Variants in HDAC9 observed in about 807,000 individuals in gnomAD.
HDAC9 encodes the protein histone deacetylase 9, also known as MEF-2 interacting transcription repressor (MITR) protein.
In HDAC9, 41 loss-of-function variants were observed where a neutral mutation model predicts 139.4. The ratio of observed to expected loss-of-function variants is 0.29; its 90% CI spans 0.23 to 0.38. The LOEUF is 0.38. HDAC9 is among the 10% of genes least tolerant of loss of function. The probability of loss-of-function intolerance (pLI) is 1.00; values close to 1 mark genes in which losing one functional copy is unlikely to be tolerated. For missense variants in HDAC9, 1,147 were observed against 1,297.0 expected (o/e 0.88, Z 1.78); for synonymous variants, 517 against 476.2 (o/e 1.09, Z -1.12).
chr7:18,933,990 A>G (rs984910609), intron 22 of HDAC9, among the ~76,000 whole-genome samples: 2 of 152,126 alleles, frequency 1.3e-5, no homozygotes, highest in African/African-American at 4.8e-5. Flanking sequence ...AGAGAGATGG[A>G]AAATATGAAA....
At chr7:18,937,061 A>T (rs1317554794) in intron 23 of HDAC9, among the ~76,000 whole-genome samples, 5 of 107,806 alleles carry the variant, frequency 4.6e-5, no homozygotes, top group African/African-American at 7.0e-5. Flanking sequence ...TTTTTCTGAG[A>T]TAGAGTCTCG....
chr7:18,373,203 A>T (rs1784728242), intron 1 of HDAC9, among the ~76,000 whole-genome samples: 2 of 152,254 alleles, frequency 1.3e-5, no homozygotes, highest in South Asian at 4.1e-4. Flanking sequence ...GTATACTGCT[A>T]TGTATTTGTA....
intron 2 of HDAC9, among the ~76,000 whole-genome samples, chr7:18,266,415 G>A (rs1018629189): frequency 3.3e-5 from 5 of 151,804 alleles, no homozygotes; most frequent in Admixed American, 3.3e-4. Context: ...AAGTAAAAAT[G>A]TTTTTTCTGT....
chr7:18,108,647 A>C, intron 1 of HDAC9, among the ~76,000 whole-genome samples: 1 of 118,580 alleles, frequency 8.4e-6, no homozygotes, highest in South Asian at 2.5e-4. Flanking sequence ...ATGGAGTCTC[A>C]CTCTTGCCCA....
At chr7:18,183,140 G>A (rs1388637102) in intron 2 of HDAC9, among the ~76,000 whole-genome samples, 3 of 151,958 alleles carry the variant, frequency 2.0e-5, no homozygotes, top group Non-Finnish European at 4.4e-5. Context: ...TTCCCGAGTA[G>A]CTGGGACTAC....
intron 12 of HDAC9, among the ~76,000 whole-genome samples, chr7:18,687,105 CATAAAT>C (rs1782330715): frequency 6.6e-6 from 1 of 151,792 alleles, no homozygotes; most frequent in Non-Finnish European, 1.5e-5. Context: ...ATGTGCTTTA[CATAAAT>C]ATAAATAGTT....
intron 12 of HDAC9, among the ~76,000 whole-genome samples, chr7:18,671,443 TC>T (rs1416526447): frequency 2.0e-5 from 3 of 151,986 alleles, no homozygotes; most frequent in Non-Finnish European, 4.4e-5. Flanking sequence ...CCTAACCACT[TC>T]CTGAAATCTG....
intron 1 of HDAC9, among the ~76,000 whole-genome samples, chr7:18,142,773 C>G (rs1363125262): frequency 6.6e-6 from 1 of 152,210 alleles, no homozygotes. Context: ...GCTCCATCAT[C>G]CATCCTCCTA....
chr7:18,894,163 C>A (rs547654465), intron 22 of HDAC9, among the ~76,000 whole-genome samples: 1 of 152,018 alleles, frequency 6.6e-6, no homozygotes, highest in African/African-American at 2.4e-5. Context: ...TGGCTCTGAA[C>A]TGAAATGGGG....
intron 1 of HDAC9, among the ~76,000 whole-genome samples, chr7:18,145,858 G>A (rs1174184186): frequency 6.6e-6 from 1 of 152,142 alleles, no homozygotes; most frequent in Non-Finnish European, 1.5e-5. Flanking sequence ...TCTCTATTGT[G>A]TTACTTTGAG....
intron 11 of HDAC9, among the ~76,000 whole-genome samples, chr7:18,656,385 A>C (rs767880890): frequency 1.3e-4 from 20 of 152,136 alleles, no homozygotes; most frequent in Non-Finnish European, 2.6e-4. Flanking sequence ...TGGAAATGAA[A>C]ATAAAGAAGG....
At chr7:18,128,725 T>C (rs1784825016) in intron 1 of HDAC9, among the ~76,000 whole-genome samples, 1 of 151,492 alleles carries the variant, frequency 6.6e-6, no homozygotes, top group Non-Finnish European at 1.5e-5. Context: ...ACCTAAATGG[T>C]AGGGGTTAGG....
intron 11 of HDAC9, among the ~76,000 whole-genome samples, chr7:18,661,066 G>C (rs1244633466): frequency 1.3e-5 from 2 of 152,144 alleles, no homozygotes; most frequent in Non-Finnish European, 2.9e-5. Flanking sequence ...CCAGAGTAGG[G>C]CCTTTGGGTA....
chr7:18,794,376 T>C (rs183831139), intron 17 of HDAC9, among the ~76,000 whole-genome samples: 249 of 152,330 alleles, frequency 1.6e-3, no homozygotes, highest in African/African-American at 5.7e-3. Flanking sequence ...TTTATTCAAT[T>C]ACATGGGACT....
At chr7:18,425,497 G>A (rs1424083117) in intron 1 of HDAC9, among the ~76,000 whole-genome samples, 1 of 152,196 alleles carries the variant, frequency 6.6e-6, no homozygotes, top group Admixed American at 6.5e-5. Context: ...CACTGATGAA[G>A]CTTGTCAACT....
At chr7:18,547,330 G>T (rs1815257108) in intron 2 of HDAC9, among the ~76,000 whole-genome samples, 1 of 152,136 alleles carries the variant, frequency 6.6e-6, no homozygotes, top group Admixed American at 6.5e-5. Flanking sequence ...CTGCCTCCCG[G>T]GTTCAGGCCA....
At position 18,631,750 on chromosome 7, in the gene HDAC9, T is replaced by C. The variant is rs144391168; in HGVS notation, c.796+2269T>C. Among the ~76,000 whole-genome samples, 863 of 152,076 alleles carry C rather than the reference T, an allele frequency of 5.7e-3. 13 individuals are homozygous for C. Among genetic ancestry groups the C allele is most frequent in the African/African-American group, 0.019 (789 of 41,524 alleles). On this transcript the variant is annotated intron_variant, in intron 7 of 25. Transcript: ENST00000686413. The stretch of plus-strand genomic sequence containing the variant: ...AAATTGACTCCCCCTGTGCCTGCAA[T>C]GCCTTCTCTGCCATTCTCCCTACTC...
chr7:18,962,017 G>A (rs1344909606), intron 24 of HDAC9, among the ~76,000 whole-genome samples: 4 of 152,186 alleles, frequency 2.6e-5, no homozygotes, highest in Non-Finnish European at 5.9e-5. Context: ...GGCTAATTGA[G>A]ATTTAGCCAC....
chr7:18,966,016 C>A (rs9639321), intron 24 of HDAC9, among the ~76,000 whole-genome samples: 50,793 of 151,818 alleles, frequency 0.33, 9,229 homozygotes, highest in Non-Finnish European at 0.42. Context: ...TCAGATTTTT[C>A]ATTCTGAATG....
Sources: allele counts gnomAD v4.1 joint callset (sites outside exome capture counted in the v4.1 genomes callset), GRCh38; gene constraint gnomAD v4.1.1; transcripts MANE v1.5; gene names NCBI Gene and HGNC (gene_info 2026-07-23, HGNC 2026-07-21).